The following USP40 variants were observed in gnomAD, a reference collection of about 807,000 sequenced individuals.
The protein encoded by USP40 is ubiquitin carboxyl-terminal hydrolase 40.
In USP40, 143 loss-of-function variants were observed where a neutral mutation model predicts 166.2. That is an observed-to-expected ratio of 0.86 (90% CI 0.75 to 0.99). USP40 has a LOEUF of 0.99. Among genes scored for constraint, USP40 ranks in the 50% least tolerant of loss-of-function variants. USP40 has a pLI of 0.00. For missense variants in USP40, 1,444 were observed against 1,479.7 expected, an observed-to-expected ratio of 0.98 and a Z score of 0.40; for synonymous variants, 498 against 524.0, an observed-to-expected ratio of 0.95 and a Z score of 0.68.
chr2:233,511,825 A>T, intron 19 of USP40, 28 bp from the exon 20 acceptor site: 1 of 1,532,826 alleles, frequency 6.5e-7, no homozygotes, highest in East Asian at 2.3e-5. Flanking sequence ...AATATGATGA[A>T]GGTTATTAAT....
intron 11 of USP40, 121 bp downstream of exon 11, chr2:233,533,358 A>C: frequency 2.0e-6 from 2 of 1,024,166 alleles, no homozygotes; most frequent in South Asian, 3.6e-5. Context: ...TTAGCTTTAA[A>C]ATATTTAAAA....
Position 233,562,756 on chromosome 2 carries a change from T to C in USP40, c.247A>G (p.Lys83Glu). The change falls in exon 3 of 32, where the codon AAG becomes GAG. Residue 83 changes from lysine to glutamate, a missense_variant. Physicochemically the swap from Lys to Glu is moderately conservative, Grantham distance 56. Transcript: ENST00000678225. ...AATACCTTTGCATCGGGTTTATCCT[T>C]ATCTTCAAACAAACCAAGCTCTTCT... ...GPEELGLFED[K>E]DKPDAKVRII... The C allele has an allele frequency of 1.3e-6, 2 of 1,536,816 alleles. No individual in the cohort carries two copies. The highest frequency in any genetic ancestry group is 8.8e-7 in the Non-Finnish European group (1 of 1,139,148).
rs1285914100 is a variant in USP40 at position 233,493,588 on chromosome 2, A to G, written c.2791-37T>C. ...AGCATGTTTAACTGCTGTGATTACA[A>G]AGATTAAGTGAAACTCTACTTTTAC... On this transcript the variant is annotated intron_variant, in intron 24 of 31. Coordinates refer to ENST00000678225, the MANE Select transcript of USP40 (RefSeq NM_001365479.2). The surrounding 1 kb of genome is among the most constrained non-coding windows in gnomAD (Gnocchi z 4.7). 3 of 1,572,322 alleles carry G rather than the reference A, an allele frequency of 1.9e-6. No homozygotes were observed. The highest frequency in any genetic ancestry group is 1.2e-5 in the South Asian group (1 of 85,818).
At chr2:233,505,049 T>C (rs977002059) in intron 21 of USP40, among the ~76,000 whole-genome samples, 6 of 152,040 alleles carry the variant, frequency 3.9e-5, no homozygotes, top group African/African-American at 1.2e-4. Flanking sequence ...AAGAAAAACT[T>C]TGAAAACCTT....
chr2:233,503,632 G>GA (rs112301994), intron 21 of USP40, among the ~76,000 whole-genome samples: 30,806 of 151,802 alleles, frequency 0.2, 3,287 homozygotes, highest in African/African-American at 0.21. Context: ...ATATAGGAAA[G>GA]AAAAAAACAC....
At chr2:233,482,598 T>TG (rs200982571) in intron 30 of USP40, among the ~76,000 whole-genome samples, 4,632 of 150,838 alleles carry the variant, frequency 0.031, 240 homozygotes, top group African/African-American at 0.11. Flanking sequence ...TTTTTTTGTT[T>TG]TTTTTTTTTT....
At chr2:233,481,129 G>C (rs571091141) in intron 31 of USP40, 74 bp downstream of exon 31, 66 of 1,403,294 alleles carry the variant, frequency 4.7e-5, no homozygotes, top group South Asian at 2.2e-4. Flanking sequence ...GTCCCTCTCA[G>C]TTTCCAAGCA....
chr2:233,523,100 A>C, intron 16 of USP40, 70 bp downstream of exon 16: 12 of 1,452,350 alleles, frequency 8.3e-6, no homozygotes, highest in Non-Finnish European at 1.1e-5. Flanking sequence ...ATAAAGCTTT[A>C]GAGTTCTGCT....
intron 21 of USP40, among the ~76,000 whole-genome samples, chr2:233,504,605 T>C (rs539418802): frequency 1.3e-3 from 196 of 152,154 alleles, no homozygotes; most frequent in African/African-American, 4.5e-3. Context: ...ATAATCACTA[T>C]ATATCATTAT....
At chr2:233,497,668 T>C (rs2065826104) in intron 23 of USP40, among the ~76,000 whole-genome samples, 1 of 152,238 alleles carries the variant, frequency 6.6e-6, no homozygotes, top group African/African-American at 2.4e-5. Flanking sequence ...TGGGAATTAA[T>C]AGAGAAGAAA....
At chr2:233,518,039 G>A (rs1029575355) in intron 18 of USP40, among the ~76,000 whole-genome samples, 5 of 151,248 alleles carry the variant, frequency 3.3e-5, no homozygotes, top group Non-Finnish European at 4.4e-5. Context: ...AAGGGTGGGA[G>A]GGGGATGAGG....
chr2:233,556,825 C>T (rs1375943083), intron 5 of USP40, 30 bp downstream of exon 5: 2 of 1,580,956 alleles, frequency 1.3e-6, no homozygotes, highest in Non-Finnish European at 1.7e-6. Context: ...TACAACATAA[C>T]TTATTACTAA....
At chr2:233,526,765 G>A (rs866065722) in intron 13 of USP40, among the ~76,000 whole-genome samples, 2 of 152,252 alleles carry the variant, frequency 1.3e-5, no homozygotes, top group South Asian at 4.1e-4. Flanking sequence ...TAGGACCACA[G>A]GCAAGACATT....
intron 24 of USP40, among the ~76,000 whole-genome samples, chr2:233,495,542 G>T (rs896833): frequency 0.2 from 30,838 of 151,918 alleles, 3,294 homozygotes; most frequent in African/African-American, 0.21. Context: ...CAGGCATCAG[G>T]CACCGTGCCT....
chr2:233,551,260 T>C, intron 7 of USP40, 116 bp downstream of exon 7: 16 of 1,150,652 alleles, frequency 1.4e-5, no homozygotes, highest in Admixed American at 6.2e-5. Flanking sequence ...TAACTGAAAA[T>C]GTCAATGGTG....
chr2:233,545,436 G>A (rs1019037154), intron 8 of USP40: 1 of 152,248 alleles, frequency 6.6e-6, no homozygotes, highest in Non-Finnish European at 1.5e-5. Flanking sequence ...TGCCAATTGG[G>A]TGCTGTCATG....
At chr2:233,510,227 G>T in intron 20 of USP40, 92 bp from the exon 21 acceptor site, 3 of 951,222 alleles carry the variant, frequency 3.2e-6, no homozygotes, top group South Asian at 1.6e-5. Flanking sequence ...AAAGCCAAGG[G>T]CCCATGAAAC....
intron 12 of USP40, among the ~76,000 whole-genome samples, chr2:233,529,112 G>A (rs902881225): frequency 5.3e-5 from 8 of 152,320 alleles, no homozygotes; most frequent in Non-Finnish European, 1.2e-4. Flanking sequence ...TTGGACCCAA[G>A]GAAATAATCT....
At chr2:233,564,461 G>T (rs1214599591) in intron 2 of USP40, among the ~76,000 whole-genome samples, 1 of 152,148 alleles carries the variant, frequency 6.6e-6, no homozygotes, top group Non-Finnish European at 1.5e-5. Flanking sequence ...GGTTTGCAGA[G>T]ATGGGGTATG....
Sources: allele counts gnomAD v4.1 joint callset (sites outside exome capture counted in the v4.1 genomes callset), GRCh38; gene constraint gnomAD v4.1.1; non-coding constraint Gnocchi (gnomAD v3.1); transcripts MANE v1.5; gene names NCBI Gene and HGNC (gene_info 2026-07-23, HGNC 2026-07-21).